KLF7: variants seen among roughly 807,000 people sequenced by gnomAD.
KLF7 encodes the protein KLF transcription factor 7, also known as Krueppel-like factor 7.
Under a neutral mutation model 27.3 loss-of-function variants are expected in KLF7, and 2 were observed. That is an observed-to-expected ratio of 0.07 (90% confidence interval 0.03 to 0.23). The LOEUF is 0.23. Ranked by LOEUF, KLF7 falls within the 10% of genes least tolerant of loss-of-function variation. The pLI is 1.00. For missense variants in KLF7, 221 were observed against 394.1 expected, an observed-to-expected ratio of 0.56 and a Z score of 3.72; for synonymous variants, 165 against 162.4, an observed-to-expected ratio of 1.02 and a Z score of -0.12.
At chr2:207,133,569 T>C (rs910155348) in intron 1 of KLF7, among the ~76,000 whole-genome samples, 2 of 152,212 alleles carry the variant, frequency 1.3e-5, no homozygotes, top group African/African-American at 2.4e-5. Context: ...CTTTTTCAGC[T>C]TCCCATTAAT....
Position 207,124,053 on chromosome 2 carries a change from A to C in KLF7, c.454T>G (p.Ser152Ala), listed in dbSNP as rs755234442. 2 of 1,613,970 alleles carry C rather than the reference A, an allele frequency of 1.2e-6. No individual in the cohort carries two copies. Among genetic ancestry groups the C allele is most frequent in the Non-Finnish European group, 1.7e-6 (2 of 1,180,032 alleles). ...PELSRHLVKT[S>A]QTLSAVDGTV... ...CCATCCACGGCAGAGAGAGTTTGTGAGGTTTTGACCAGATGGCGGCTGAGC... is the reference window on the plus strand; with the variant it reads ...CCATCCACGGCAGAGAGAGTTTGTGCGGTTTTGACCAGATGGCGGCTGAGC... Residue 152 changes from serine (S) to alanine (A), a missense_variant, in exon 2 of 4, where the codon TCA becomes GCA. Around this residue, in one of 3 missense-constraint regions of KLF7, gnomAD observed 180 missense variants for 227.9 expected, o/e 0.79. Transcript: ENST00000309446.
At chr2:207,153,225 G>A (rs762041353) in intron 1 of KLF7, among the ~76,000 whole-genome samples, 16 of 151,810 alleles carry the variant, frequency 1.1e-4, no homozygotes, top group Middle Eastern at 3.2e-3. Flanking sequence ...AAAGTCCTCC[G>A]CACACCTTTG....
rs1193572337 is a variant in KLF7, at chr2:207,077,506, A to G, written c.*3707T>C. 6.6e-6 allele frequency: 1 copy of G among 152,238 alleles called. No homozygotes were observed. Among genetic ancestry groups the G allele is most frequent in the Non-Finnish European group, 1.5e-5 (1 of 68,066 alleles). 9.4% of individuals were successfully genotyped at this position (152,238 alleles called of 1,614,324 possible). ...GGAGAGGAGATGGCGTCGAGAGAAG[A>G]GGATATTTGAAGGGCTTTGCAAGGG... On this transcript the variant is annotated 3_prime_UTR_variant, in exon 4 of 4. Coordinates refer to ENST00000309446, the MANE Select transcript of KLF7 (RefSeq NM_003709.4).
At chr2:207,100,765 T>C (rs542424791) in intron 2 of KLF7, among the ~76,000 whole-genome samples, 5 of 152,332 alleles carry the variant, frequency 3.3e-5, no homozygotes, top group African/African-American at 1.2e-4. Context: ...CTGTAGATAT[T>C]TATCTTTTTA....
chr2:207,149,644 G>A (rs1299509095), intron 1 of KLF7, among the ~76,000 whole-genome samples: 2 of 152,148 alleles, frequency 1.3e-5, no homozygotes, highest in African/African-American at 4.8e-5. Flanking sequence ...CTGACACCTG[G>A]GCTCCCCAAT....
intron 2 of KLF7, among the ~76,000 whole-genome samples, chr2:207,095,576 C>T (rs952192901): frequency 2.0e-5 from 3 of 152,164 alleles, no homozygotes; most frequent in Non-Finnish European, 2.9e-5. Flanking sequence ...AGCCAGTAGC[C>T]ACACATAGCA....
At chr2:207,171,633 CCTT>C (rs1288523803), upstream of KLF7, among the ~76,000 whole-genome samples, 1 of 152,168 alleles carries the variant, frequency 6.6e-6, no homozygotes, top group Non-Finnish European at 1.5e-5. Context: ...TGAGGAAAGA[CCTT>C]CTACCAGGAA....
chr2:207,129,070 T>C (rs2077554464), intron 1 of KLF7, among the ~76,000 whole-genome samples: 1 of 152,230 alleles, frequency 6.6e-6, no homozygotes, highest in African/African-American at 2.4e-5. Context: ...GGTAACTCTA[T>C]GTATGGTTTT....
intron 1 of KLF7, among the ~76,000 whole-genome samples, chr2:207,141,893 TC>T (rs2077952671): frequency 6.6e-6 from 1 of 151,980 alleles, no homozygotes; most frequent in African/African-American, 2.4e-5. Flanking sequence ...CCCTAAGAAA[TC>T]CCTTATTTGA....
intron 2 of KLF7, among the ~76,000 whole-genome samples, chr2:207,098,252 A>T (rs1181390028): frequency 6.6e-6 from 1 of 152,186 alleles, no homozygotes; most frequent in Non-Finnish European, 1.5e-5. Flanking sequence ...ACTTAATGTC[A>T]TCTTGGAAAT....
chr2:207,087,123 T>C (rs2076406746), intron 3 of KLF7, among the ~76,000 whole-genome samples: 1 of 152,154 alleles, frequency 6.6e-6, no homozygotes, highest in Admixed American at 6.5e-5. Context: ...AGGTAATGGA[T>C]GGAAATGTAA....
At chr2:207,091,884 C>T (rs2076520482) in intron 2 of KLF7, among the ~76,000 whole-genome samples, 1 of 152,140 alleles carries the variant, frequency 6.6e-6, no homozygotes, top group South Asian at 2.1e-4. Context: ...TATCTGTAGC[C>T]ATGATACATT....
intron 1 of KLF7, among the ~76,000 whole-genome samples, chr2:207,158,695 A>G (rs2106133086): frequency 6.6e-6 from 1 of 152,350 alleles, no homozygotes; most frequent in South Asian, 2.1e-4. Context: ...GCACACATTA[A>G]AAGTGGAAAA....
At chr2:207,134,946 T>C (rs2077744404) in intron 1 of KLF7, among the ~76,000 whole-genome samples, 1 of 152,248 alleles carries the variant, frequency 6.6e-6, no homozygotes, top group South Asian at 2.1e-4. Flanking sequence ...CTCTGTATGT[T>C]GTAGCTATTC....
At position 207,075,738 on chromosome 2, in the gene KLF7, C is replaced by T. The variant is rs2076165302; in HGVS notation, c.*5475G>A. ...CAAAAACATTAGACATTTATTTTTGCCTCTGTGTTAGCAAGGAGATCTTGG... is the reference window on the plus strand; with the variant it reads ...CAAAAACATTAGACATTTATTTTTGTCTCTGTGTTAGCAAGGAGATCTTGG... On this transcript the variant is annotated 3_prime_UTR_variant, in exon 4 of 4. Transcript: ENST00000309446. 1 of 151,978 alleles carries T rather than the reference C, an allele frequency of 6.6e-6. No homozygotes were observed. The highest frequency in any genetic ancestry group is 2.1e-4 in the South Asian group (1 of 4,824). The allele number at this position is 151,978 out of a possible 1,614,324, so 9.4% of individuals were successfully genotyped here.
chr2:207,134,185 TCA>T, intron 1 of KLF7: 1 of 1,063,662 alleles, frequency 9.4e-7, no homozygotes, highest in Non-Finnish European at 1.3e-6. Flanking sequence ...TAAAGCAAAC[TCA>T]TTTCATTGGC....
chr2:207,124,532 A>G, intron 1 of KLF7, 128 bp from the exon 2 acceptor site: 1 of 883,218 alleles, frequency 1.1e-6, no homozygotes. Context: ...GAAATGCCTT[A>G]GTAGAAGGTC....
At position 207,106,563 on chromosome 2, in the gene KLF7, G is replaced by A. The variant is rs555663036; in HGVS notation, c.733+17211C>T. 8.4e-4 allele frequency among the ~76,000 whole-genome samples: 128 copies of A among 151,936 alleles called. 1 individual carries two copies. Among genetic ancestry groups the A allele is most frequent in the Non-Finnish European group, 1.6e-3 (108 of 67,916 alleles). Reference sequence around the variant, plus strand: ...CATCGTCTGGTATTTATGCATCTACGAAAAAAAATGGTCAATCAAGTATCC... The same window carrying A: ...CATCGTCTGGTATTTATGCATCTACAAAAAAAAATGGTCAATCAAGTATCC... On this transcript the variant is annotated intron_variant, in intron 2 of 3. Coordinates refer to ENST00000309446, the MANE Select transcript of KLF7 (RefSeq NM_003709.4).
chr2:207,146,923 T>C (rs904944823), intron 1 of KLF7, among the ~76,000 whole-genome samples: 2 of 152,150 alleles, frequency 1.3e-5, no homozygotes, highest in Non-Finnish European at 2.9e-5. Context: ...TGCTATTCTA[T>C]GCAACATATA....
Sources: allele counts gnomAD v4.1 joint callset (sites outside exome capture counted in the v4.1 genomes callset), GRCh38; gene constraint gnomAD v4.1.1; regional missense constraint gnomAD v4.1.1; transcripts MANE v1.5; gene names NCBI Gene and HGNC (gene_info 2026-07-23, HGNC 2026-07-21).